The following MYO10 variants were observed in gnomAD, a reference collection of about 807,000 sequenced individuals.
The protein encoded by MYO10 is myosin X.
Under a neutral mutation model 257.3 loss-of-function variants are expected in MYO10, and 133 were observed. That is an observed-to-expected ratio of 0.52 (90% CI 0.45 to 0.60). The LOEUF (loss-of-function observed/expected upper bound fraction) is 0.60. Ranked by LOEUF, MYO10 falls within the 20% of genes least tolerant of loss-of-function variation. The pLI is 0.00. For missense variants in MYO10, 2,399 were observed against 2,635.7 expected, an observed-to-expected ratio of 0.91 and a Z score of 1.97; for synonymous variants, 1,104 against 1,028.6, an observed-to-expected ratio of 1.07 and a Z score of -1.40.
chr5:16,669,807 G>A (rs566219379), intron 39 of MYO10, among the ~76,000 whole-genome samples: 5 of 152,274 alleles, frequency 3.3e-5, no homozygotes, highest in African/African-American at 7.2e-5. Context: ...TAATCTAGAC[G>A]ATGAGCTGGC....
At chr5:16,859,043 C>T (rs866804919) in intron 2 of MYO10, among the ~76,000 whole-genome samples, 124 of 152,262 alleles carry the variant, frequency 8.1e-4, no homozygotes, top group African/African-American at 2.8e-3. Flanking sequence ...GGGATTTACC[C>T]GCCTGCTCTT....
chr5:16,870,097 C>A (rs1292814377), intron 2 of MYO10, among the ~76,000 whole-genome samples: 1 of 151,336 alleles, frequency 6.6e-6, no homozygotes, highest in Non-Finnish European at 1.5e-5. Flanking sequence ...CAACACTAAA[C>A]AGGATTTTAA....
chr5:16,851,520 G>A (rs188048007), intron 2 of MYO10, among the ~76,000 whole-genome samples: 15 of 152,174 alleles, frequency 9.9e-5, no homozygotes, highest in Non-Finnish European at 1.5e-4. Context: ...TCTTATGAAC[G>A]TTAGAGAATT....
intron 2 of MYO10, among the ~76,000 whole-genome samples, chr5:16,867,294 A>G (rs988416897): frequency 6.6e-6 from 1 of 152,004 alleles, no homozygotes; most frequent in Non-Finnish European, 1.5e-5. Flanking sequence ...CAAAGGACAG[A>G]CCCGCCAGGC....
At chr5:16,741,233 G>A (rs545475920) in intron 19 of MYO10, among the ~76,000 whole-genome samples, 11 of 152,266 alleles carry the variant, frequency 7.2e-5, no homozygotes, top group Admixed American at 3.3e-4. Context: ...TTTCCAGGCC[G>A]ATTGCAAAAT....
intron 2 of MYO10, among the ~76,000 whole-genome samples, chr5:16,823,531 GCACAATCTCGGCT>G (rs1338603516): frequency 5.5e-5 from 7 of 126,362 alleles, no homozygotes; most frequent in South Asian, 6.0e-4. Context: ...GAGTGCAGTG[GCACAATCTCGGCT>G]CACTGCAAAC....
rs3993832 is a variant in MYO10, at chr5:16,706,310, T to TAC, written c.2170-1627_2170-1626dup. On this transcript the variant is annotated intron_variant, in intron 21 of 40. Transcript: ENST00000513610. ...ATACATATACATGAGAATATATATA[T>TAC]ACACACACACACACTCTGTTGGTGC... Among the ~76,000 whole-genome samples the TAC allele has an allele frequency of 5.5e-4, 83 of 151,866 alleles. No individual in the cohort carries two copies. The East Asian group carries it at 0.011, about 21-fold the overall frequency.
intron 3 of MYO10, among the ~76,000 whole-genome samples, chr5:16,811,655 TC>T (rs1381165640): frequency 6.6e-6 from 1 of 152,046 alleles, no homozygotes; most frequent in African/African-American, 2.4e-5. Flanking sequence ...GCTCAGGCAA[TC>T]CTCCCACCCC....
Position 16,694,391 on chromosome 5 carries a change from G to A in MYO10, c.3780C>T (p.Thr1260=), listed in dbSNP as rs776344825. The change falls in exon 27 of 41, where the codon ACC becomes ACT. Residue 1260 remains threonine, a synonymous_variant. Coordinates refer to ENST00000513610, the MANE Select transcript of MYO10 (RefSeq NM_012334.3). ...ENDSEEKLKG[T]VEVRTAKEII... is the part of the protein sequence containing the mutation. ...CCTACTTTGCCGTTCGCACTTCTACGGTGCCCTTGAGCTTCTCCTCGCTGT... is the reference window on the plus strand; with the variant it reads ...CCTACTTTGCCGTTCGCACTTCTACAGTGCCCTTGAGCTTCTCCTCGCTGT... 6.8e-6 allele frequency: 11 copies of A among 1,613,986 alleles called. No homozygotes were observed. The highest frequency in any genetic ancestry group is 6.7e-5 in the East Asian group (3 of 44,882).
At chr5:16,831,817 A>G (rs1743170818) in intron 2 of MYO10, among the ~76,000 whole-genome samples, 1 of 152,232 alleles carries the variant, frequency 6.6e-6, no homozygotes, top group South Asian at 2.1e-4. Context: ...TCTAATCACC[A>G]CTAAAGAACT....
At chr5:16,893,074 G>A (rs1483402558) in intron 1 of MYO10, among the ~76,000 whole-genome samples, 1 of 151,520 alleles carries the variant, frequency 6.6e-6, no homozygotes, top group Non-Finnish European at 1.5e-5. Context: ...GCGGGCGCCT[G>A]TAGTCCCAGC....
intron 3 of MYO10, chr5:16,815,448 T>C: frequency 2.9e-6 from 2 of 701,662 alleles, no homozygotes; most frequent in Non-Finnish European, 2.6e-6. Flanking sequence ...ATTAGGTATA[T>C]TCAACCTATC....
intron 1 of MYO10, among the ~76,000 whole-genome samples, chr5:16,934,737 T>C (rs1396791108): frequency 2.0e-5 from 3 of 152,222 alleles, no homozygotes; most frequent in Non-Finnish European, 2.9e-5. Flanking sequence ...CCAGTATGAA[T>C]AGCTGTCTGA....
At chr5:16,918,817 C>T (rs1033637083) in intron 1 of MYO10, among the ~76,000 whole-genome samples, 10 of 152,036 alleles carry the variant, frequency 6.6e-5, no homozygotes, top group South Asian at 2.1e-4. Flanking sequence ...AAGTATTTTT[C>T]GAGCCCTCAC....
intron 3 of MYO10, among the ~76,000 whole-genome samples, chr5:16,812,765 A>C (rs1742478491): frequency 6.6e-6 from 1 of 152,174 alleles, no homozygotes; most frequent in South Asian, 2.1e-4. Flanking sequence ...CTTTTACTTT[A>C]AAACATCCCT....
intron 4 of MYO10, among the ~76,000 whole-genome samples, chr5:16,784,016 T>G (rs1741500329): frequency 6.6e-6 from 1 of 152,234 alleles, no homozygotes; most frequent in Non-Finnish European, 1.5e-5. Context: ...GTGTCCGAGT[T>G]GGACTCTTAA....
chr5:16,928,657 A>C (rs1175030291), intron 1 of MYO10, among the ~76,000 whole-genome samples: 1 of 151,882 alleles, frequency 6.6e-6, no homozygotes, highest in Non-Finnish European at 1.5e-5. Context: ...CATTCTGGCC[A>C]ACAAGGTGAA....
intron 19 of MYO10, among the ~76,000 whole-genome samples, chr5:16,748,602 AAAAGAGGG>A: frequency 7.8e-6 from 1 of 127,468 alleles, no homozygotes; most frequent in South Asian, 2.3e-4. Flanking sequence ...AAAGAAAAGA[AAAAGAGGG>A]AGAGAGGGAG....
chr5:16,876,443 G>A (rs1044431818), intron 2 of MYO10, among the ~76,000 whole-genome samples: 2 of 152,198 alleles, frequency 1.3e-5, no homozygotes, highest in Admixed American at 6.5e-5. Context: ...TAACAAGGTA[G>A]ATAAATAGGC....
Sources: gnomAD v4.1 joint callset for allele counts (sites outside exome capture counted in the v4.1 genomes callset) on GRCh38, gnomAD v4.1.1 for gene constraint, MANE v1.5 for transcripts, NCBI Gene and HGNC (gene_info 2026-07-23, HGNC 2026-07-21) for gene names.